The following TEC variants were observed in gnomAD, a reference collection of about 807,000 sequenced individuals.
The protein encoded by TEC is tec protein tyrosine kinase.
A neutral mutation model predicts 93.0 loss-of-function variants in TEC; 72 were observed. The ratio of observed to expected loss-of-function variants is 0.77; its 90% CI spans 0.64 to 0.94. TEC has a LOEUF of 0.94. TEC is among the 40% of genes least tolerant of loss of function. The pLI is 0.00. For synonymous variants in TEC, 249 were observed against 247.7 expected (o/e 1.01, Z -0.05); for missense variants, 630 against 757.9 (o/e 0.83, Z 1.98).
intron 2 of TEC, among the ~76,000 whole-genome samples, chr4:48,201,968 T>A (rs187436769): frequency 2.8e-4 from 41 of 147,392 alleles, no homozygotes; most frequent in East Asian, 1.8e-3. Flanking sequence ...TTTTTTTTTT[T>A]TTTTTTGAGA....
intron 1 of TEC, among the ~76,000 whole-genome samples, chr4:48,254,325 A>C (rs1724285154): frequency 1.3e-5 from 2 of 152,226 alleles, no homozygotes; most frequent in Admixed American, 6.5e-5. Context: ...GGGGTTTTGC[A>C]GGAAGGCAGA....
At position 48,167,864 on chromosome 4, in the gene TEC, T is replaced by C; in HGVS notation, c.585A>G (p.Gly195=). The C allele has an allele frequency of 6.2e-7, 1 of 1,613,926 alleles. No homozygotes were observed. Among genetic ancestry groups the C allele is most frequent in the Non-Finnish European group, 8.5e-7 (1 of 1,179,896 alleles). ...GGCCTCTCTCTAATCTGAGATCATG[T>C]CCTTCTGCTGCTTGGAAATCATACA... ...VAMYDFQAAE[G]HDLRLERGQE... The change falls in exon 7 of 18, where the codon GGA becomes GGG. Residue 195 remains glycine, a synonymous_variant. Transcript: ENST00000381501.
intron 4 of TEC, 79 bp from the exon 5 acceptor site, chr4:48,170,455 A>G: frequency 2.0e-6 from 2 of 1,003,774 alleles, no homozygotes; most frequent in Non-Finnish European, 2.9e-6. Flanking sequence ...AGTGTCGATC[A>G]TTACTTATTT....
At chr4:48,174,680 G>C (rs1721250804) in intron 3 of TEC, among the ~76,000 whole-genome samples, 1 of 151,596 alleles carries the variant, frequency 6.6e-6, no homozygotes, top group Admixed American at 6.6e-5. Flanking sequence ...AAAAAAAGAA[G>C]TGTGGTAGGA....
chr4:48,228,842 A>G (rs185285740), intron 1 of TEC, among the ~76,000 whole-genome samples, 183 bp from the exon 2 acceptor site: 1 of 152,172 alleles, frequency 6.6e-6, no homozygotes, highest in Non-Finnish European at 1.5e-5. Context: ...TCCAGTTTCC[A>G]TCCTGCTCCT....
At chr4:48,221,802 C>G (rs1292714436) in intron 2 of TEC, among the ~76,000 whole-genome samples, 2 of 152,182 alleles carry the variant, frequency 1.3e-5, no homozygotes, top group African/African-American at 2.4e-5. Context: ...GCTCCCCTGA[C>G]AACCAGATCC....
chr4:48,178,404 A>C lies in TEC; in HGVS notation c.139-2218T>G, dbSNP rs115173765. ...CCTGTCTCTAAGAGAAAAGTTAAAA[A>C]GACACAATGGTTGAGACACTATCGT... On this transcript the variant is annotated intron_variant, in intron 2 of 17. Transcript: ENST00000381501. Among the ~76,000 whole-genome samples the C allele has an allele frequency of 5.3e-3, 809 of 152,308 alleles. 5 individuals are homozygous for C. Among genetic ancestry groups the C allele is most frequent in the Non-Finnish European group, 6.6e-3 (451 of 68,022 alleles).
At chr4:48,150,712 A>T in intron 10 of TEC, 151 bp downstream of exon 10, 1 of 489,484 alleles carries the variant, frequency 2.0e-6, no homozygotes, top group Non-Finnish European at 3.6e-6. Flanking sequence ...AAATACAAAA[A>T]ACAGTATATA....
chr4:48,158,555 C>T (rs1194541086), intron 8 of TEC, among the ~76,000 whole-genome samples: 2 of 152,172 alleles, frequency 1.3e-5, no homozygotes, highest in African/African-American at 4.8e-5. Context: ...TAAGGAAACA[C>T]ACCTGGAGCT....
intron 1 of TEC, among the ~76,000 whole-genome samples, chr4:48,263,375 G>A (rs1724546723): frequency 6.6e-6 from 1 of 152,194 alleles, no homozygotes; most frequent in Non-Finnish European, 1.5e-5. Flanking sequence ...AACATTCAGA[G>A]GTCAAGATGG....
chr4:48,179,344 A>G (rs1340142382), intron 2 of TEC, among the ~76,000 whole-genome samples: 2 of 25,352 alleles, frequency 7.9e-5, no homozygotes, highest in African/African-American at 1.9e-4. Context: ...GGTAGTATAT[A>G]TATATATATA....
intron 2 of TEC, among the ~76,000 whole-genome samples, chr4:48,226,463 C>T (rs1381841427): frequency 6.6e-6 from 1 of 152,138 alleles, no homozygotes; most frequent in African/African-American, 2.4e-5. Context: ...CCTCTTCCTC[C>T]TCCTCAGCCT....
intron 1 of TEC, among the ~76,000 whole-genome samples, chr4:48,258,832 A>C (rs1231258220): frequency 6.6e-6 from 1 of 152,148 alleles, no homozygotes; most frequent in African/African-American, 2.4e-5. Flanking sequence ...TGACATGGTT[A>C]CCCTCTTTCA....
intron 1 of TEC, among the ~76,000 whole-genome samples, chr4:48,251,852 G>C (rs1724212510): frequency 3.3e-5 from 5 of 152,160 alleles, no homozygotes; most frequent in Admixed American, 3.3e-4. Flanking sequence ...CTCATAATAA[G>C]ACTATGGGTT....
intron 1 of TEC, among the ~76,000 whole-genome samples, chr4:48,256,325 T>C (rs1724342905): frequency 6.6e-6 from 1 of 151,874 alleles, no homozygotes; most frequent in Non-Finnish European, 1.5e-5. Context: ...GGCTCACATC[T>C]GTTATCCCAG....
At chr4:48,189,802 T>G (rs1722028265) in intron 2 of TEC, among the ~76,000 whole-genome samples, 1 of 152,236 alleles carries the variant, frequency 6.6e-6, no homozygotes, top group Non-Finnish European at 1.5e-5. Flanking sequence ...GTGTGCCTGG[T>G]GCTGTCCTAT....
At chr4:48,175,593 G>A (rs770099855) in intron 3 of TEC, among the ~76,000 whole-genome samples, 30 of 152,192 alleles carry the variant, frequency 2.0e-4, no homozygotes, top group Non-Finnish European at 2.9e-4. Context: ...AGATGCGCGT[G>A]TGTGTGCTTG....
intron 3 of TEC, among the ~76,000 whole-genome samples, chr4:48,173,303 C>A (rs187981716): frequency 1.4e-4 from 22 of 152,182 alleles, no homozygotes; most frequent in South Asian, 8.3e-4. Context: ...CGCCTCCCCC[C>A]ACCAAAAAAA....
At chr4:48,221,775 C>T (rs1314584495) in intron 2 of TEC, among the ~76,000 whole-genome samples, 1 of 152,110 alleles carries the variant, frequency 6.6e-6, no homozygotes, top group Admixed American at 6.6e-5. Flanking sequence ...AGTTCCAACC[C>T]TCTAATCACA....
Sources: gnomAD v4.1 joint callset for allele counts (sites outside exome capture counted in the v4.1 genomes callset) on GRCh38, gnomAD v4.1.1 for gene constraint, MANE v1.5 for transcripts, NCBI Gene and HGNC (gene_info 2026-07-23, HGNC 2026-07-21) for gene names.